RGS6: variants seen among roughly 807,000 people sequenced by gnomAD.
RGS6 encodes regulator of G protein signaling 6, also known as regulator of G-protein signaling 6.
Under a neutral mutation model 78.5 loss-of-function variants are expected in RGS6, and 30 were observed. The ratio of observed to expected loss-of-function variants is 0.38; its 90% confidence interval spans 0.29 to 0.52. RGS6 has a LOEUF of 0.52. Among genes scored for constraint, RGS6 ranks in the 20% least tolerant of loss-of-function variants. The pLI is 0.85. For missense variants in RGS6, 495 were observed against 609.7 expected (o/e 0.81, Z 1.98); for synonymous variants, 206 against 206.0 (o/e 1.00, Z 0.00).
At chr14:71,882,476 G>A in the RGS6 span, among the ~76,000 whole-genome samples, 2 of 152,186 alleles carry the variant, frequency 1.3e-5, no homozygotes, top group Non-Finnish European at 2.9e-5. Flanking sequence ...AAAATATGTG[G>A]TTCGTTAAGA....
At chr14:72,080,044 A>G (rs184205739) in intron 2 of RGS6, among the ~76,000 whole-genome samples, 253 of 152,246 alleles carry the variant, frequency 1.7e-3, no homozygotes, top group African/African-American at 5.9e-3. Flanking sequence ...TCCTTTGGGT[A>G]TATACTCAGG....
intron 11 of RGS6, among the ~76,000 whole-genome samples, chr14:72,477,880 G>T (rs536614761): frequency 6.5e-4 from 99 of 152,232 alleles, no homozygotes; most frequent in African/African-American, 2.3e-3. Context: ...CAAGGACATG[G>T]GTGTGACGTG....
At chr14:72,588,840 A>C in the RGS6 span, among the ~76,000 whole-genome samples, 1 of 152,284 alleles carries the variant, frequency 6.6e-6, no homozygotes, top group Admixed American at 6.5e-5. Context: ...TGGGTGAAGA[A>C]AGGAGTGTGC....
At chr14:72,385,330 C>T (rs1424737496) in intron 3 of RGS6, among the ~76,000 whole-genome samples, 1 of 151,998 alleles carries the variant, frequency 6.6e-6, no homozygotes, top group Non-Finnish European at 1.5e-5. Flanking sequence ...TTTTCAATTT[C>T]TCTTAGGGAT....
At chr14:72,237,157 T>A (rs187832690) in intron 2 of RGS6, among the ~76,000 whole-genome samples, 2 of 152,344 alleles carry the variant, frequency 1.3e-5, no homozygotes, top group East Asian at 3.9e-4. Flanking sequence ...AATTCATCTA[T>A]TTTTGTTTGC....
chr14:72,547,120 C>T (rs922586257), intron 17 of RGS6: 44 of 1,516,016 alleles, frequency 2.9e-5, no homozygotes, highest in South Asian at 6.0e-5. Context: ...GCGGGAAGGC[C>T]GACCACTCAG....
intron 16 of RGS6, among the ~76,000 whole-genome samples, chr14:72,537,269 C>G (rs919609716): frequency 6.6e-6 from 1 of 152,214 alleles, no homozygotes. Flanking sequence ...CCATCACATG[C>G]TCTCCGCTGG....
chr14:72,311,876 C>T (rs978314342), intron 2 of RGS6, among the ~76,000 whole-genome samples: 1 of 152,120 alleles, frequency 6.6e-6, no homozygotes, highest in African/African-American at 2.4e-5. Flanking sequence ...ATGGAGTAGG[C>T]AATTGCAAAG....
chr14:71,959,310 G>A (rs956683583), intron 1 of RGS6, among the ~76,000 whole-genome samples: 6 of 150,968 alleles, frequency 4.0e-5, no homozygotes, highest in Non-Finnish European at 1.5e-5. Flanking sequence ...TTCCTGAAGT[G>A]CTTAACGTTG....
At chr14:72,542,512 C>T (rs1322396310) in intron 17 of RGS6, among the ~76,000 whole-genome samples, 1 of 152,192 alleles carries the variant, frequency 6.6e-6, no homozygotes, top group Non-Finnish European at 1.5e-5. Flanking sequence ...AAATGAAGGG[C>T]CAGTTCAATA....
At chr14:72,475,665 G>T (rs2153346759) in intron 10 of RGS6, among the ~76,000 whole-genome samples, 1 of 152,190 alleles carries the variant, frequency 6.6e-6, no homozygotes, top group Non-Finnish European at 1.5e-5. Context: ...GGAGGCAGAG[G>T]TTGCAGTGAG....
chr14:72,452,747 A>G lies in RGS6; in HGVS notation c.185-1781A>G, dbSNP rs575790246. On this transcript the variant is annotated intron_variant, in intron 3 of 17. Transcript: ENST00000553525. ...TTCCATCAAACAATTTAGAGGTGAC[A>G]AAGCCACACCTTCAATGGTCTGCAC... is the stretch of plus-strand genomic sequence containing the variant. 3.8e-3 allele frequency among the ~76,000 whole-genome samples: 574 copies of G among 152,356 alleles called. 3 individuals are homozygous for G. The highest frequency in any genetic ancestry group is 0.013 in the African/African-American group (529 of 41,582).
chr14:71,868,186 G>A, the RGS6 span, among the ~76,000 whole-genome samples: 47,210 of 151,956 alleles, frequency 0.31, 7,575 homozygotes, highest in South Asian at 0.43. Context: ...ACTGTGTCCC[G>A]TAATGCTCCA....
At chr14:72,394,797 A>G (rs1198178282) in intron 3 of RGS6, among the ~76,000 whole-genome samples, 1 of 152,254 alleles carries the variant, frequency 6.6e-6, no homozygotes, top group African/African-American at 2.4e-5. Flanking sequence ...GGATTAAGAG[A>G]TTAAAGTAAA....
intron 15 of RGS6, among the ~76,000 whole-genome samples, chr14:72,527,437 T>C (rs2097132755): frequency 1.3e-5 from 2 of 152,184 alleles, no homozygotes; most frequent in South Asian, 4.1e-4. Context: ...ATACTTACCT[T>C]GGGTAAGCCA....
intron 2 of RGS6, among the ~76,000 whole-genome samples, chr14:72,138,627 C>G (rs543501205): frequency 1.1e-4 from 16 of 151,826 alleles, no homozygotes; most frequent in African/African-American, 3.9e-4. Context: ...GAGCAGTGGG[C>G]GAGTAAGCAA....
intron 3 of RGS6, among the ~76,000 whole-genome samples, chr14:72,372,633 C>T (rs980185341): frequency 1.3e-5 from 2 of 152,114 alleles, no homozygotes; most frequent in Non-Finnish European, 2.9e-5. Context: ...CAAAAGAGGA[C>T]ACTCTATAGA....
At chr14:71,949,438 AT>A (rs749939711) in intron 1 of RGS6, among the ~76,000 whole-genome samples, 23 of 150,386 alleles carry the variant, frequency 1.5e-4, no homozygotes, top group Admixed American at 2.7e-4. Context: ...TGCCTTTTTA[AT>A]TTTTTTTTGC....
At chr14:72,391,137 G>A (rs2152945436) in intron 3 of RGS6, among the ~76,000 whole-genome samples, 1 of 152,332 alleles carries the variant, frequency 6.6e-6, no homozygotes, top group South Asian at 2.1e-4. Context: ...AAAGAAAGGT[G>A]AAAACTAAGC....
Sources: allele counts gnomAD v4.1 joint callset (sites outside exome capture counted in the v4.1 genomes callset), GRCh38; gene constraint gnomAD v4.1.1; transcripts MANE v1.5; gene names NCBI Gene and HGNC (gene_info 2026-07-23, HGNC 2026-07-21).